Variants in OPHN1 observed in about 807,000 individuals in gnomAD.
OPHN1 encodes oligophrenin 1.
In OPHN1, 11 loss-of-function variants were observed where a neutral mutation model predicts 60.7. That is an observed-to-expected ratio of 0.18 (90% CI 0.11 to 0.30). The LOEUF (loss-of-function observed/expected upper bound fraction) is 0.30. Among genes scored for constraint, OPHN1 ranks in the 10% least tolerant of loss-of-function variants. The pLI, the probability that OPHN1 is intolerant of heterozygous loss-of-function variation, is 1.00. For missense variants in OPHN1, 449 were observed against 611.0 expected, an observed-to-expected ratio of 0.73 and a Z score of 2.80; for synonymous variants, 226 against 222.6, an observed-to-expected ratio of 1.02 and a Z score of -0.14.
At chrX:68,416,057 TATATATATATAGAGAGAG>T (rs1354188232) in intron 2 of OPHN1, among the ~76,000 whole-genome samples, 32 of 7,876 alleles carry the variant, frequency 4.1e-3, no homozygotes, top group East Asian at 8.5e-3. Flanking sequence ...TATATATATA[TATATATATATAGAGAGAG>T]AGAGAGAGAG....
intron 15 of OPHN1, chrX:68,133,045 C>T: frequency 4.1e-6 from 2 of 493,240 alleles, no homozygotes; most frequent in South Asian, 2.6e-5. Context: ...TGCAGCAGTC[C>T]GCCCCACTCG....
chrX:68,108,126 ATGTTCAGGTT>A lies in OPHN1; in HGVS notation c.1526+3718_1526+3727del, dbSNP rs762248959. On this transcript the variant is annotated intron_variant, in intron 18 of 24. Transcript: ENST00000355520. ...TCAAATACATTATTTATTGTTATTGATGTTCAGGTTGGCTCAAACATCATCAGTGTCAGCC... is the reference window on the plus strand; with the variant it reads ...TCAAATACATTATTTATTGTTATTGAGGCTCAAACATCATCAGTGTCAGCC... Among the ~76,000 whole-genome samples the A allele has an allele frequency of 2.6e-4, 29 of 112,166 alleles. No homozygotes were observed. In the East Asian group the frequency reaches 4.8e-3, roughly 18 times the overall value.
rs199937682 is a variant in OPHN1, at chrX:68,141,904, T to TAAAGAAAG, written c.1277-22580_1277-22573dup. 2.1e-4 allele frequency among the ~76,000 whole-genome samples: 19 copies of TAAAGAAAG among 90,241 alleles called. No homozygotes were observed. The East Asian group carries it at 2.5e-3, about 12-fold the overall frequency. 78.4% of individuals were successfully genotyped at this position (90,241 alleles called of 115,157 possible). ...TAGCAGAAAAGATGGTGATGTTAATTAAAGAAAGAAAGAAAGAAAGAAAGA... is the reference window on the plus strand; with the variant it reads ...TAGCAGAAAAGATGGTGATGTTAATTAAAGAAAGAAAGAAAGAAAGAAAGAAAGAAAGA... On this transcript the variant is annotated intron_variant, in intron 15 of 24. Coordinates refer to ENST00000355520, the MANE Select transcript of OPHN1 (RefSeq NM_002547.3).
chrX:68,404,075 T>C (rs1358182311), intron 2 of OPHN1, among the ~76,000 whole-genome samples: 1 of 110,578 alleles, frequency 9.0e-6, no homozygotes, highest in Non-Finnish European at 1.9e-5. Flanking sequence ...ATAGGCTTAA[T>C]GATAACAACT....
intron 18 of OPHN1, among the ~76,000 whole-genome samples, chrX:68,103,204 GA>G (rs1215861166): frequency 3.6e-5 from 4 of 111,926 alleles, no homozygotes; most frequent in Non-Finnish European, 7.5e-5. Flanking sequence ...TCATCCCTGG[GA>G]TGCAAGGGTG....
intron 6 of OPHN1, among the ~76,000 whole-genome samples, chrX:68,217,217 C>T (rs55920070): frequency 0.011 from 1,259 of 112,096 alleles, 4 homozygotes; most frequent in Non-Finnish European, 0.016. Flanking sequence ...TGCGCTTTTC[C>T]GACGGGCTTA....
At chrX:68,291,730 T>C (rs2078071578) in intron 3 of OPHN1, among the ~76,000 whole-genome samples, 1 of 110,427 alleles carries the variant, frequency 9.1e-6, no homozygotes, top group Admixed American at 9.6e-5. Context: ...TTGCACCTCA[T>C]ATATAGCATC....
intron 15 of OPHN1, among the ~76,000 whole-genome samples, chrX:68,166,737 A>G (rs2077360177): frequency 9.0e-6 from 1 of 111,385 alleles, no homozygotes; most frequent in Non-Finnish European, 1.9e-5. Context: ...AAATCCATAC[A>G]TCTACAGTGA....
chrX:68,093,708 A>G (rs1022873795), intron 19 of OPHN1, among the ~76,000 whole-genome samples: 2 of 111,332 alleles, frequency 1.8e-5, no homozygotes, highest in Non-Finnish European at 3.8e-5. Context: ...CATATACTTA[A>G]TTGCCACGCA....
chrX:68,425,839 T>TTTTTA (rs2078852365), intron 2 of OPHN1, among the ~76,000 whole-genome samples: 1 of 93,724 alleles, frequency 1.1e-5, no homozygotes, highest in East Asian at 3.4e-4. Flanking sequence ...TTTTTTTTTT[T>TTTTTA]AGAGAGGGAG....
intron 2 of OPHN1, among the ~76,000 whole-genome samples, chrX:68,333,662 C>T (rs6624354): frequency 6.4e-5 from 7 of 108,576 alleles, no homozygotes; most frequent in East Asian, 5.8e-4. Flanking sequence ...TAATAAAGCG[C>T]GCGTGCGTGC....
At chrX:68,261,638 G>T (rs2077894167) in intron 5 of OPHN1, among the ~76,000 whole-genome samples, 1 of 111,627 alleles carries the variant, frequency 9.0e-6, no homozygotes, top group South Asian at 3.8e-4. Flanking sequence ...GAACCAAAAA[G>T]AAATCTAGAG....
chrX:68,084,471 A>G (rs5964637), intron 19 of OPHN1, among the ~76,000 whole-genome samples: 2,097 of 109,254 alleles, frequency 0.019, 72 homozygotes, highest in African/African-American at 0.067. Context: ...AGAAATTTTC[A>G]GACCGGAGCA....
chrX:68,125,659 T>A (rs1293253126), intron 15 of OPHN1, among the ~76,000 whole-genome samples: 1 of 108,176 alleles, frequency 9.2e-6, no homozygotes, highest in African/African-American at 3.4e-5. Context: ...AACCGACCAA[T>A]AACAAGGAAC....
chrX:68,429,217 G>A (rs1266580069), intron 2 of OPHN1, among the ~76,000 whole-genome samples: 1 of 110,615 alleles, frequency 9.0e-6, no homozygotes, highest in Non-Finnish European at 1.9e-5. Flanking sequence ...GAGCTCAGGA[G>A]TTCAAGACCA....
At chrX:68,390,320 C>T (rs754795793) in intron 2 of OPHN1, among the ~76,000 whole-genome samples, 3 of 111,666 alleles carry the variant, frequency 2.7e-5, no homozygotes, top group Non-Finnish European at 5.6e-5. Flanking sequence ...ACACTGGGGC[C>T]GGGTGCAGTG....
At chrX:68,088,299 T>C (rs2077002990) in intron 19 of OPHN1, among the ~76,000 whole-genome samples, 1 of 111,404 alleles carries the variant, frequency 9.0e-6, no homozygotes, top group Non-Finnish European at 1.9e-5. Context: ...TCTAATTGTC[T>C]GTTCATTCCC....
At chrX:68,072,818 A>G (rs1343638508) in intron 20 of OPHN1, among the ~76,000 whole-genome samples, 2 of 111,943 alleles carry the variant, frequency 1.8e-5, no homozygotes, top group East Asian at 2.8e-4. Context: ...CGTGTTTGCT[A>G]TATTTGAATT....
chrX:68,378,274 G>A (rs1447720124), intron 2 of OPHN1, among the ~76,000 whole-genome samples: 2 of 111,613 alleles, frequency 1.8e-5, no homozygotes, highest in South Asian at 3.7e-4. Context: ...TTTTCGATGG[G>A]GTTGTTTGTT....
Sources: gnomAD v4.1 joint callset for allele counts (sites outside exome capture counted in the v4.1 genomes callset) on GRCh38, gnomAD v4.1.1 for gene constraint, MANE v1.5 for transcripts, NCBI Gene and HGNC (gene_info 2026-07-23, HGNC 2026-07-21) for gene names.